Variants in COL6A5 observed in about 807,000 individuals in gnomAD.
COL6A5 encodes collagen type VI alpha 5 chain.
COL6A5 carries 48 observed loss-of-function variants against 65.6 expected under a neutral mutation model. That is an observed-to-expected ratio of 0.73 (90% CI 0.58 to 0.93). The LOEUF (loss-of-function observed/expected upper bound fraction) is 0.93. Among genes scored for constraint, COL6A5 ranks in the 40% least tolerant of loss-of-function variants. COL6A5 has a pLI of 0.00. For missense variants in COL6A5, 914 were observed against 928.3 expected (o/e 0.98, Z 0.20); for synonymous variants, 291 against 322.8 (o/e 0.90, Z 1.05).
chr3:130,459,140 C>T (rs531227806), intron 5 of COL6A5, among the ~76,000 whole-genome samples: 1 of 152,122 alleles, frequency 6.6e-6, no homozygotes, highest in African/African-American at 2.4e-5. Context: ...CAGCCTAGGC[C>T]CTGCTCCTAG....
intron 1 of COL6A5, among the ~76,000 whole-genome samples, chr3:130,355,305 A>G (rs906841481): frequency 6.6e-6 from 1 of 152,122 alleles, no homozygotes; most frequent in Admixed American, 6.6e-5. Flanking sequence ...TGATATAAAA[A>G]TCCCTAAAAT....
At chr3:130,379,432 T>G (rs1337431340) in exon 4 of COL6A5, 3 of 1,550,868 alleles carry the variant, frequency 1.9e-6, no homozygotes, top group Admixed American at 3.9e-5. Flanking sequence ...CTTCCCCATA[T>G]CCTGTCAGAA....
intron 7 of COL6A5, among the ~76,000 whole-genome samples, chr3:130,478,945 C>T (rs538741017): frequency 6.6e-6 from 1 of 152,060 alleles, no homozygotes; most frequent in Non-Finnish European, 1.5e-5. Context: ...CCTCCCATTT[C>T]CCAACTATTG....
At chr3:130,484,505 C>T (rs1052591728) in exon 8 of COL6A5, 8 of 401,066 alleles carry the variant, frequency 2.0e-5, no homozygotes, top group Admixed American at 4.4e-5. Flanking sequence ...CCCATGTCAT[C>T]GGTTCTGGGG....
chr3:130,410,005 C>A lies in COL6A5; in HGVS notation c.4543-4C>A. ...CTAAACTACTTTTAAAAATCTTTCTCTAGGGTAATCCAGGACAAAACAATA... is the reference window on the plus strand; with the variant it reads ...CTAAACTACTTTTAAAAATCTTTCTATAGGGTAATCCAGGACAAAACAATA... On this transcript the variant is annotated splice_region_variant and splice_polypyrimidine_tract_variant and intron_variant and NMD_transcript_variant, in intron 18 of 41. Transcript: ENST00000312481. 2.6e-6 allele frequency: 4 copies of A among 1,541,546 alleles called. No individual in the cohort carries two copies. In the South Asian group the frequency reaches 3.6e-5, roughly 14 times the overall value.
intron 1 of COL6A5, among the ~76,000 whole-genome samples, chr3:130,435,787 T>C (rs1288991117): frequency 6.6e-6 from 1 of 152,180 alleles, no homozygotes; most frequent in Non-Finnish European, 1.5e-5. Context: ...ATCGATTTTG[T>C]ATCCTGAGAT....
chr3:130,372,003 A>T (rs983346009), intron 1 of COL6A5, among the ~76,000 whole-genome samples: 2 of 152,158 alleles, frequency 1.3e-5, no homozygotes, highest in African/African-American at 2.4e-5. Context: ...AAGACAAAAA[A>T]CCCAGTTAAA....
intron 3 of COL6A5, among the ~76,000 whole-genome samples, chr3:130,441,107 T>G (rs1413410312): frequency 6.6e-6 from 1 of 152,118 alleles, no homozygotes; most frequent in East Asian, 1.9e-4. Flanking sequence ...TCACATTTGC[T>G]CAAGAAGTTC....
chr3:130,356,040 C>G (rs888968825), intron 1 of COL6A5, among the ~76,000 whole-genome samples: 1 of 152,016 alleles, frequency 6.6e-6, no homozygotes, highest in Non-Finnish European at 1.5e-5. Context: ...TTTTTCTGCC[C>G]TCCTCTTCCT....
chr3:130,355,296 G>T (rs1934883223), intron 1 of COL6A5, among the ~76,000 whole-genome samples: 1 of 151,896 alleles, frequency 6.6e-6, no homozygotes, highest in Non-Finnish European at 1.5e-5. Context: ...GAAAAGCTAT[G>T]ATATAAAAAT....
At position 130,432,365 on chromosome 3, in the gene COL6A5, C is replaced by T. The variant is rs113373575; in HGVS notation, c.487+416C>T. Among the ~76,000 whole-genome samples the T allele has an allele frequency of 4.8e-3, 726 of 151,998 alleles. 8 individuals are homozygous for T. The highest frequency in any genetic ancestry group is 0.016 in the African/African-American group (647 of 41,468). ...GTCAGGAGATCGAGACCATCCTGGC[C>T]AACATGGTGAAACTTCATCTCTACT... On this transcript the variant is annotated intron_variant, in intron 1 of 7. Transcript: ENST00000512836.
chr3:130,436,599 G>GGTTGATTCT (rs1229658634), intron 1 of COL6A5, among the ~76,000 whole-genome samples: 1 of 152,140 alleles, frequency 6.6e-6, no homozygotes, highest in Non-Finnish European at 1.5e-5. Context: ...TGCACCCAGT[G>GGTTGATTCT]GTTGATTCTG....
At chr3:130,445,667 T>TG (rs1374899551) in intron 4 of COL6A5, among the ~76,000 whole-genome samples, 1 of 152,076 alleles carries the variant, frequency 6.6e-6, no homozygotes, top group East Asian at 1.9e-4. Flanking sequence ...ATATGAGGCC[T>TG]GGTGCGGGGG....
intron 7 of COL6A5, 111 bp from the exon 40 acceptor site, chr3:130,471,571 C>CCAAT (rs1292795962): frequency 1.0e-6 from 1 of 1,004,512 alleles, no homozygotes; most frequent in African/African-American, 1.6e-5. Flanking sequence ...TTGGACTATT[C>CCAAT]CAATCACATA....
chr3:130,473,295 C>T (rs1038071173), intron 7 of COL6A5, among the ~76,000 whole-genome samples: 14 of 151,954 alleles, frequency 9.2e-5, no homozygotes, highest in Non-Finnish European at 1.9e-4. Context: ...TTTCTCTTTT[C>T]TTATGTGGCT....
At chr3:130,348,147 G>T (rs1934571424) in intron 1 of COL6A5, among the ~76,000 whole-genome samples, 1 of 152,106 alleles carries the variant, frequency 6.6e-6, no homozygotes, top group Non-Finnish European at 1.5e-5. Context: ...AGATACATGT[G>T]CTGAACATGC....
chr3:130,360,759 T>G (rs1442522049), intron 1 of COL6A5, among the ~76,000 whole-genome samples: 1 of 152,122 alleles, frequency 6.6e-6, no homozygotes, highest in Non-Finnish European at 1.5e-5. Context: ...TATGATAAAA[T>G]CATTCATCAT....
intron 7 of COL6A5, among the ~76,000 whole-genome samples, chr3:130,481,494 T>C (rs555148936): frequency 6.6e-6 from 1 of 152,282 alleles, no homozygotes; most frequent in Non-Finnish European, 1.5e-5. Context: ...TGAATAGTGC[T>C]GCAGTAAATA....
chr3:130,368,455 G>C (rs182619846), intron 1 of COL6A5, among the ~76,000 whole-genome samples: 6 of 152,260 alleles, frequency 3.9e-5, no homozygotes, highest in Non-Finnish European at 5.9e-5. Context: ...CAAGTGGGAC[G>C]TTCAGTGACA....
Sources: allele counts gnomAD v4.1 joint callset (sites outside exome capture counted in the v4.1 genomes callset), GRCh38; gene constraint gnomAD v4.1.1; transcripts MANE v1.5; gene names NCBI Gene and HGNC (gene_info 2026-07-23, HGNC 2026-07-21).